MBNL1: variants seen among roughly 807,000 people sequenced by gnomAD.
MBNL1 encodes muscleblind-like protein 1.
MBNL1 carries 8 observed loss-of-function variants against 42.2 expected under a neutral mutation model. The observed-to-expected ratio is 0.19, with a 90% CI of 0.11 to 0.34. The LOEUF is 0.34. Among genes scored for constraint, MBNL1 ranks in the 10% least tolerant of loss-of-function variants. MBNL1 has a pLI of 1.00. For missense variants in MBNL1, 309 were observed against 495.3 expected, an observed-to-expected ratio of 0.62 and a Z score of 3.57; for synonymous variants, 169 against 173.9, an observed-to-expected ratio of 0.97 and a Z score of 0.22.
At chr3:152,460,624 A>C (rs1431476350) in intron 9 of MBNL1, among the ~76,000 whole-genome samples, 39 of 144,316 alleles carry the variant, frequency 2.7e-4, no homozygotes, top group African/African-American at 8.8e-4. Flanking sequence ...AAAAAAAAAC[A>C]AAAAAAAAAA....
intron 2 of MBNL1, among the ~76,000 whole-genome samples, chr3:152,410,492 TC>T (rs1016190453): frequency 6.6e-6 from 1 of 152,246 alleles, no homozygotes. Context: ...TTATTAATTT[TC>T]CTTCTTTCCC....
intron 2 of MBNL1, among the ~76,000 whole-genome samples, chr3:152,335,622 C>A (rs111399131): frequency 1.3e-5 from 2 of 150,258 alleles, no homozygotes; most frequent in South Asian, 4.2e-4. Flanking sequence ...TAATTGAGCA[C>A]CTTTTTTTTT....
chr3:152,274,241 T>C (rs2043574838), intron 1 of MBNL1, among the ~76,000 whole-genome samples: 1 of 152,172 alleles, frequency 6.6e-6, no homozygotes, highest in African/African-American at 2.4e-5. Context: ...TTTAGTTCTA[T>C]GAAATAAGCA....
intron 2 of MBNL1, among the ~76,000 whole-genome samples, chr3:152,352,966 C>G (rs533615934): frequency 6.6e-6 from 1 of 152,144 alleles, no homozygotes; most frequent in Admixed American, 6.5e-5. Context: ...ATGAAATGAA[C>G]TTGTTTAAGT....
chr3:152,439,362 T>A (rs1044129380), intron 4 of MBNL1, among the ~76,000 whole-genome samples: 1 of 152,224 alleles, frequency 6.6e-6, no homozygotes, highest in African/African-American at 2.4e-5. Context: ...CATGATGGGA[T>A]AAAAGACTTT....
At chr3:152,324,881 C>T (rs938431762) in intron 2 of MBNL1, among the ~76,000 whole-genome samples, 4 of 151,946 alleles carry the variant, frequency 2.6e-5, no homozygotes, top group South Asian at 2.1e-4. Flanking sequence ...ACATAATGAC[C>T]TGGAATGAAT....
At chr3:152,360,035 C>T (rs2153108473) in intron 2 of MBNL1, among the ~76,000 whole-genome samples, 1 of 152,314 alleles carries the variant, frequency 6.6e-6, no homozygotes, top group South Asian at 2.1e-4. Flanking sequence ...GACAAGTCTT[C>T]AGTATATTCT....
intron 2 of MBNL1, among the ~76,000 whole-genome samples, chr3:152,316,205 A>G (rs2071269462): frequency 6.6e-6 from 1 of 152,192 alleles, no homozygotes; most frequent in Admixed American, 6.5e-5. Flanking sequence ...GAGGGAGCAT[A>G]AACAATTATG....
At chr3:152,414,110 G>A (rs1318768157) in intron 2 of MBNL1, among the ~76,000 whole-genome samples, 1 of 152,182 alleles carries the variant, frequency 6.6e-6, no homozygotes, top group Non-Finnish European at 1.5e-5. Context: ...TTCGTTGGTA[G>A]GATGGTCTGG....
chr3:152,393,064 C>A (rs995746347), intron 2 of MBNL1, among the ~76,000 whole-genome samples: 4 of 152,144 alleles, frequency 2.6e-5, no homozygotes, highest in African/African-American at 9.7e-5. Flanking sequence ...GCCAAGATGC[C>A]TCCCATAGGA....
chr3:152,379,628 G>T (rs926666605), intron 2 of MBNL1, among the ~76,000 whole-genome samples: 1 of 151,990 alleles, frequency 6.6e-6, no homozygotes, highest in Non-Finnish European at 1.5e-5. Flanking sequence ...TTTTTGTTTG[G>T]CATTACACAG....
Position 152,299,842 on chromosome 3 carries a change from C to T in MBNL1, c.-352C>T. ...GGTGTCGAAGGGTCTGCCACGTTTTCATGCTTGCATTTTGGGCTCCAAATT... is the reference window on the plus strand; with the variant it reads ...GGTGTCGAAGGGTCTGCCACGTTTTTATGCTTGCATTTTGGGCTCCAAATT... On this transcript the variant is annotated 5_prime_UTR_variant, in exon 2 of 10. Transcript: ENST00000324210. 2.5e-6 allele frequency: 1 copy of T among 405,508 alleles called. No homozygotes were observed. The highest frequency in any genetic ancestry group is 3.5e-5 in the East Asian group (1 of 28,244). 25.1% of individuals were successfully genotyped at this position (405,508 alleles called of 1,614,324 possible).
At chr3:152,252,701 C>T (rs1404616420) in intron 2 of MBNL1, among the ~76,000 whole-genome samples, 1 of 152,034 alleles carries the variant, frequency 6.6e-6, no homozygotes, top group Non-Finnish European at 1.5e-5. Flanking sequence ...ACTGGTAGTT[C>T]ACTTACCTTA....
chr3:152,270,146 T>A (rs753179904), intron 1 of MBNL1, among the ~76,000 whole-genome samples: 4 of 152,012 alleles, frequency 2.6e-5, no homozygotes, highest in Admixed American at 6.6e-5. Context: ...TGGGGTGTAT[T>A]TCCGTGGAGT....
intron 2 of MBNL1, among the ~76,000 whole-genome samples, chr3:152,361,595 C>G (rs2095962927): frequency 5.3e-5 from 8 of 151,820 alleles, no homozygotes; most frequent in Admixed American, 1.3e-4. Context: ...GGGTTAGGCC[C>G]AGGTTATGAG....
chr3:152,338,960 T>C (rs1291962706), intron 2 of MBNL1, among the ~76,000 whole-genome samples: 1 of 152,214 alleles, frequency 6.6e-6, no homozygotes, highest in Non-Finnish European at 1.5e-5. Flanking sequence ...CTGCATTGTA[T>C]ATCTAGTAAG....
intron 2 of MBNL1, among the ~76,000 whole-genome samples, chr3:152,353,671 CTTT>C (rs34931833): frequency 4.3e-5 from 5 of 116,494 alleles, no homozygotes. Flanking sequence ...TCAACAAATC[CTTT>C]TTTTTTTTTT....
intron 1 of MBNL1, among the ~76,000 whole-genome samples, chr3:152,271,965 A>G (rs924629596): frequency 3.9e-5 from 6 of 152,028 alleles, no homozygotes; most frequent in African/African-American, 1.2e-4. Flanking sequence ...TATATTTATG[A>G]TATGTTTTAA....
At chr3:152,406,347 G>A (rs1411284955) in intron 2 of MBNL1, among the ~76,000 whole-genome samples, 2 of 152,218 alleles carry the variant, frequency 1.3e-5, no homozygotes. Flanking sequence ...CCCACTCTGA[G>A]GAGATTAAGA....
Sources: gnomAD v4.1 joint callset for allele counts (sites outside exome capture counted in the v4.1 genomes callset) on GRCh38, gnomAD v4.1.1 for gene constraint, MANE v1.5 for transcripts, NCBI Gene and HGNC (gene_info 2026-07-23, HGNC 2026-07-21) for gene names.